The following PARG variants were observed in gnomAD, a reference collection of about 807,000 sequenced individuals.
PARG encodes poly(ADP-ribose) glycohydrolase.
In PARG, 35 loss-of-function variants were observed where a neutral mutation model predicts 113.0. The ratio of observed to expected loss-of-function variants is 0.31; its 90% CI spans 0.24 to 0.41. The LOEUF (loss-of-function observed/expected upper bound fraction) is 0.41, where lower values mean the gene tolerates loss of function less well. PARG is among the 10% of genes least tolerant of loss of function. PARG has a pLI of 1.00. For synonymous variants in PARG, 330 were observed against 409.9 expected, an observed-to-expected ratio of 0.81 and a Z score of 2.36; for missense variants, 797 against 1,169.4, an observed-to-expected ratio of 0.68 and a Z score of 4.64.
chr10:49,823,482 G>T (rs1283611322), intron 16 of PARG, among the ~76,000 whole-genome samples: 1 of 152,084 alleles, frequency 6.6e-6, no homozygotes, highest in South Asian at 2.1e-4. Context: ...CATGGGAGGT[G>T]CCATGACTAT....
At chr10:49,853,736 G>A (rs1554834561) in intron 13 of PARG, among the ~76,000 whole-genome samples, 1 of 152,138 alleles carries the variant, frequency 6.6e-6, no homozygotes, top group Non-Finnish European at 1.5e-5. Context: ...ATTCCTTTGT[G>A]GAAGTTCCAA....
At chr10:49,835,196 C>A (rs1221015850) in intron 15 of PARG, among the ~76,000 whole-genome samples, 1 of 152,068 alleles carries the variant, frequency 6.6e-6, no homozygotes, top group South Asian at 2.1e-4. Flanking sequence ...CACTCCACAG[C>A]GAAAGGCATT....
At chr10:49,904,504 A>G (rs1299574046) in intron 7 of PARG, among the ~76,000 whole-genome samples, 10 of 152,018 alleles carry the variant, frequency 6.6e-5, no homozygotes, top group African/African-American at 2.4e-4. Flanking sequence ...CATCAATTGT[A>G]GCAAATGAAC....
In PARG at chr10:49,941,876, G is replaced by A. The variant is rs1431801562; in HGVS notation, c.-151C>T. ...CTGCTTCTGCAATTGCTGATCCGCC[G>A]GCCTCCCAAGTCAGGCCGTAAACAC... On this transcript the variant is annotated 5_prime_UTR_variant, in exon 1 of 18. Transcript: ENST00000616448. 298 of 1,388,330 alleles carry A rather than the reference G, an allele frequency of 2.1e-4. 2 individuals carry two copies. In the South Asian group the frequency reaches 3.6e-3, roughly 17 times the overall value. 86.0% of individuals were successfully genotyped at this position (1,388,330 alleles called of 1,614,324 possible).
At chr10:49,912,054 C>T (rs1379103454) in intron 7 of PARG, among the ~76,000 whole-genome samples, 1 of 152,186 alleles carries the variant, frequency 6.6e-6, no homozygotes, top group South Asian at 2.1e-4. Flanking sequence ...AATCCCAACA[C>T]TTTTGGAGGC....
intron 1 of PARG, among the ~76,000 whole-genome samples, chr10:49,937,884 G>A (rs1487228165): frequency 2.0e-5 from 3 of 152,218 alleles, no homozygotes; most frequent in African/African-American, 7.2e-5. Context: ...AGAAAGGACT[G>A]CTTACTGCTC....
chr10:49,892,954 T>A (rs4012657), intron 7 of PARG, among the ~76,000 whole-genome samples: 3 of 152,206 alleles, frequency 2.0e-5, no homozygotes, highest in African/African-American at 7.2e-5. Context: ...TATGAATACA[T>A]CCACAATTTG....
Position 49,915,895 on chromosome 10 carries a change from AAAGAAAT to A in PARG, c.1737+15_1737+21del, listed in dbSNP as rs1403478619. 1 of 1,292,998 alleles carries A rather than the reference AAAGAAAT, an allele frequency of 7.7e-7. No individual in the cohort carries two copies. The highest frequency in any genetic ancestry group is 1.1e-6 in the Non-Finnish European group (1 of 911,816). The allele number at this position is 1,292,998 out of a possible 1,614,324, so 80.1% of individuals were successfully genotyped here. A position where few individuals can be genotyped will look rare whatever the true frequency, so the allele number is the denominator to read the frequency against. ...ATTGAGTTGTCAATAATATTTTCAT[AAAGAAAT>A]AAGGATACTTTTACCTTATCCCAGA... On this transcript the variant is annotated intron_variant, in intron 7 of 17. Transcript: ENST00000616448.
At chr10:49,935,213 G>C in intron 1 of PARG, 71 bp from the exon 2 acceptor site, 1 of 653,222 alleles carries the variant, frequency 1.5e-6, no homozygotes, top group Middle Eastern at 2.5e-4. Flanking sequence ...TACATGCAAG[G>C]AACTATGCTA....
At chr10:49,927,651 T>C (rs1248908644) in intron 4 of PARG, among the ~76,000 whole-genome samples, 1 of 152,012 alleles carries the variant, frequency 6.6e-6, no homozygotes, top group Non-Finnish European at 1.5e-5. Context: ...GATGAGTATA[T>C]TCCAAGGAGA....
At chr10:49,920,585 CACATATATACATATATACGTACATATAT>C (rs1564658840) in intron 6 of PARG, among the ~76,000 whole-genome samples, 10 of 136,142 alleles carry the variant, frequency 7.3e-5, no homozygotes, top group Admixed American at 5.3e-4. Context: ...TATATATATA[CACATATATACATATATACGTACATATAT>C]ACGTATATAT....
chr10:49,904,475 T>A (rs12411846), intron 7 of PARG, among the ~76,000 whole-genome samples: 2 of 151,056 alleles, frequency 1.3e-5, no homozygotes, highest in South Asian at 4.2e-4. Context: ...TGAGTGGTAA[T>A]GATGTGTCAA....
At chr10:49,927,816 T>G (rs574943608) in intron 4 of PARG, among the ~76,000 whole-genome samples, 3 of 152,122 alleles carry the variant, frequency 2.0e-5, no homozygotes, top group African/African-American at 7.2e-5. Flanking sequence ...ATTAGCCACA[T>G]GTAGTGGCAC....
At chr10:49,876,896 C>T (rs1337329594) in intron 9 of PARG, among the ~76,000 whole-genome samples, 3 of 151,410 alleles carry the variant, frequency 2.0e-5, no homozygotes, top group African/African-American at 4.9e-5. Context: ...TAAAAATATG[C>T]CCCTTGCAAC....
intron 16 of PARG, among the ~76,000 whole-genome samples, chr10:49,831,759 T>C (rs76276650): frequency 6.6e-6 from 1 of 152,280 alleles, no homozygotes; most frequent in East Asian, 1.9e-4. Context: ...GCTTTATGTG[T>C]CTCCTTTATA....
chr10:49,860,902 T>C (rs1439416852), intron 12 of PARG, among the ~76,000 whole-genome samples: 8 of 152,286 alleles, frequency 5.3e-5, no homozygotes, highest in Non-Finnish European at 1.0e-4. Flanking sequence ...AGAAGCATTA[T>C]AAATCAAAAG....
chr10:49,905,502 T>C (rs1167486168), intron 7 of PARG, among the ~76,000 whole-genome samples: 19 of 152,284 alleles, frequency 1.2e-4, no homozygotes, highest in Admixed American at 5.2e-4. Context: ...GAATACTTGC[T>C]ACAAAGGAAG....
At chr10:49,867,183 C>T (rs1554837091) in intron 10 of PARG, 1 of 150,006 alleles carries the variant, frequency 6.7e-6, no homozygotes, top group East Asian at 2.0e-4. Flanking sequence ...TTGTGGCAGG[C>T]CTTTGTGGAC....
rs1394387621 is a variant in PARG, at chr10:49,841,931, A to G, written c.2541+19T>C. ...ATAGATGACAGCTGCCAGATGAACT[A>G]AGAAATAAGGTTACTGGCCTTGTTC... On this transcript the variant is annotated intron_variant, in intron 15 of 17. Transcript: ENST00000616448. The G allele has an allele frequency of 3.4e-6, 5 of 1,472,708 alleles. No homozygotes were observed. Among genetic ancestry groups the G allele is most frequent in the South Asian group, 1.2e-5 (1 of 82,522 alleles). The allele number at this position is 1,472,708 out of a possible 1,614,324, so 91.2% of individuals were successfully genotyped here. A position where few individuals can be genotyped will look rare whatever the true frequency, so the allele number is the denominator to read the frequency against.
Sources: allele counts gnomAD v4.1 joint callset (sites outside exome capture counted in the v4.1 genomes callset), GRCh38; gene constraint gnomAD v4.1.1; transcripts MANE v1.5; gene names NCBI Gene and HGNC (gene_info 2026-07-23, HGNC 2026-07-21).